The following WDR70 variants were observed in gnomAD, a reference collection of about 807,000 sequenced individuals.
The protein encoded by WDR70 is WD repeat domain 70.
In WDR70, 53 loss-of-function variants were observed where a neutral mutation model predicts 88.6. The observed-to-expected ratio is 0.60, with a 90% confidence interval of 0.48 to 0.75. The LOEUF (loss-of-function observed/expected upper bound fraction) is 0.75, where lower values mean the gene tolerates loss of function less well. Among genes scored for constraint, WDR70 ranks in the 30% least tolerant of loss-of-function variants. The pLI is 0.00. For synonymous variants in WDR70, 280 were observed against 270.0 expected, an observed-to-expected ratio of 1.04 and a Z score of -0.36; for missense variants, 610 against 823.2, an observed-to-expected ratio of 0.74 and a Z score of 3.17.
intron 7 of WDR70, among the ~76,000 whole-genome samples, chr5:37,476,787 A>T (rs1739500098): frequency 6.6e-6 from 1 of 152,032 alleles, no homozygotes; most frequent in South Asian, 2.1e-4. Flanking sequence ...CAACCTCGTG[A>T]TCCACCTGCC....
At chr5:37,412,205 G>T (rs553302204) in intron 5 of WDR70, among the ~76,000 whole-genome samples, 104 of 152,176 alleles carry the variant, frequency 6.8e-4, no homozygotes, top group African/African-American at 2.5e-3. Context: ...TGGCCAACAT[G>T]GTGAAACTCT....
rs1385001267 is a variant in WDR70, at chr5:37,632,968, TGTGTAGATATGTTTAGATACACA to T, written c.1092+27731_1092+27753del. Among the ~76,000 whole-genome samples the T allele has an allele frequency of 1.5e-4, 23 of 152,326 alleles. No homozygotes were observed. The East Asian group carries it at 4.2e-3, about 28-fold the overall frequency. On this transcript the variant is annotated intron_variant, in intron 10 of 17. Transcript: ENST00000265107. ...CCATGTCTTTACTATACCTTTTCTG[TGTGTAGATATGTTTAGATACACA>T]AATATTGACCATGGTGTTACAGTTG...
chr5:37,557,968 T>TTTGAAAACTCTTCAAAAGAG, intron 9 of WDR70, among the ~76,000 whole-genome samples: 1 of 4,476 alleles, frequency 2.2e-4, no homozygotes, highest in Non-Finnish European at 5.4e-4. Context: ...TTATGTATAT[T>TTTGAAAACTCTTCAAAAGAG]TATTATGTAT....
chr5:37,415,388 G>A (rs536184106), intron 5 of WDR70, among the ~76,000 whole-genome samples: 19 of 116,698 alleles, frequency 1.6e-4, no homozygotes, highest in Middle Eastern at 4.5e-3. Context: ...CCTCCCGGAC[G>A]GGGCGGCTGG....
At chr5:37,480,740 A>G (rs1739639054) in intron 8 of WDR70, among the ~76,000 whole-genome samples, 1 of 152,148 alleles carries the variant, frequency 6.6e-6, no homozygotes. Flanking sequence ...CCCCTCCGAA[A>G]TCTCATGTCC....
At chr5:37,567,056 A>T (rs747016493) in intron 9 of WDR70, among the ~76,000 whole-genome samples, 9 of 152,186 alleles carry the variant, frequency 5.9e-5, no homozygotes, top group Non-Finnish European at 1.3e-4. Flanking sequence ...ATTCCTAATA[A>T]GCTGTTTTCT....
At chr5:37,553,326 C>CGTA (rs1357047164) in intron 9 of WDR70, among the ~76,000 whole-genome samples, 3 of 152,106 alleles carry the variant, frequency 2.0e-5, no homozygotes, top group Non-Finnish European at 4.4e-5. Flanking sequence ...TCCGTTATAC[C>CGTA]ACATTCCTTC....
At chr5:37,431,527 C>T (rs1274102971) in intron 5 of WDR70, among the ~76,000 whole-genome samples, 3 of 152,132 alleles carry the variant, frequency 2.0e-5, no homozygotes, top group African/African-American at 7.2e-5. Context: ...CACACCACAG[C>T]CTTGATGATT....
At chr5:37,528,923 TG>T (rs1741395198) in intron 9 of WDR70, among the ~76,000 whole-genome samples, 1 of 145,764 alleles carries the variant, frequency 6.9e-6, no homozygotes. Flanking sequence ...TTTTTTTTTT[TG>T]ATGTTATCTT....
chr5:37,622,535 A>G (rs1448355311), intron 10 of WDR70, among the ~76,000 whole-genome samples: 2 of 152,322 alleles, frequency 1.3e-5, no homozygotes, highest in African/African-American at 4.8e-5. Context: ...AATGTGGCAC[A>G]TATACACCAT....
In WDR70 at chr5:37,654,275, G is replaced by C. The variant is rs369264035; in HGVS notation, c.1093-43380G>C. ...GGTTTTGAGTGATTTTCTTAATCCT[G>C]AGTTCTAATTTGATTGCACTGTGGT... On this transcript the variant is annotated intron_variant, in intron 10 of 17. Coordinates refer to ENST00000265107, the MANE Select transcript of WDR70 (RefSeq NM_018034.4). 3.0e-4 allele frequency among the ~76,000 whole-genome samples: 46 copies of C among 152,276 alleles called. 2 individuals are homozygous for C. The South Asian group carries it at 9.3e-3, about 31-fold the overall frequency.
intron 12 of WDR70, among the ~76,000 whole-genome samples, chr5:37,701,404 G>A (rs937150090): frequency 1.3e-5 from 2 of 152,054 alleles, no homozygotes; most frequent in Non-Finnish European, 2.9e-5. Context: ...AAGTCTTGGA[G>A]TATTAAAATA....
intron 17 of WDR70, among the ~76,000 whole-genome samples, chr5:37,746,865 C>T (rs1413352661): frequency 1.3e-5 from 2 of 152,194 alleles, no homozygotes; most frequent in African/African-American, 4.8e-5. Context: ...ACCATTCCTT[C>T]TGAAACTATT....
chr5:37,602,967 A>G (rs1274543475), intron 9 of WDR70, among the ~76,000 whole-genome samples: 1 of 152,098 alleles, frequency 6.6e-6, no homozygotes, highest in Non-Finnish European at 1.5e-5. Context: ...ATAGAGCGAG[A>G]CTGTCTTAAA....
intron 5 of WDR70, among the ~76,000 whole-genome samples, chr5:37,420,949 T>G (rs1169294528): frequency 1.3e-5 from 2 of 151,998 alleles, no homozygotes; most frequent in Non-Finnish European, 2.9e-5. Context: ...TGACATGAAA[T>G]AAGCATATGC....
At chr5:37,521,404 C>T (rs1350681104) in intron 9 of WDR70, among the ~76,000 whole-genome samples, 1 of 152,116 alleles carries the variant, frequency 6.6e-6, no homozygotes, top group Admixed American at 6.5e-5. Flanking sequence ...ATAAGTTCTG[C>T]AGTGATGATT....
At chr5:37,399,724 T>G (rs1749138721) in intron 5 of WDR70, among the ~76,000 whole-genome samples, 1 of 152,116 alleles carries the variant, frequency 6.6e-6, no homozygotes, top group Admixed American at 6.6e-5. Flanking sequence ...TTATTTTGAA[T>G]CTAGTATTTA....
intron 17 of WDR70, among the ~76,000 whole-genome samples, chr5:37,735,414 A>C (rs1419180407): frequency 6.6e-6 from 1 of 152,140 alleles, no homozygotes; most frequent in Admixed American, 6.5e-5. Context: ...TGTAGCTTAG[A>C]GATCTGCAAT....
At chr5:37,598,798 CTG>C (rs1743775850) in intron 9 of WDR70, among the ~76,000 whole-genome samples, 1 of 152,186 alleles carries the variant, frequency 6.6e-6, no homozygotes, top group South Asian at 2.1e-4. Flanking sequence ...AAAATTAAAA[CTG>C]TGTTTCATAA....
Sources: gnomAD v4.1 joint callset for allele counts (sites outside exome capture counted in the v4.1 genomes callset) on GRCh38, gnomAD v4.1.1 for gene constraint, MANE v1.5 for transcripts, NCBI Gene and HGNC (gene_info 2026-07-23, HGNC 2026-07-21) for gene names.